Variants in ANO1 observed in about 807,000 individuals in gnomAD.
ANO1 encodes anoctamin-1.
Under a neutral mutation model 124.0 loss-of-function variants are expected in ANO1, and 59 were observed. That is an observed-to-expected ratio of 0.48 (90% CI 0.39 to 0.59). The LOEUF (loss-of-function observed/expected upper bound fraction) is 0.59, where lower values mean the gene tolerates loss of function less well. Among genes scored for constraint, ANO1 ranks in the 20% least tolerant of loss-of-function variants. ANO1 has a pLI of 0.00. For synonymous variants in ANO1, 529 were observed against 532.0 expected, an observed-to-expected ratio of 0.99 and a Z score of 0.08; for missense variants, 1,059 against 1,328.0, an observed-to-expected ratio of 0.80 and a Z score of 3.15.
At chr11:70,115,980 G>A (rs1457975030) in intron 7 of ANO1, among the ~76,000 whole-genome samples, 2 of 152,164 alleles carry the variant, frequency 1.3e-5, no homozygotes, top group Non-Finnish European at 1.5e-5. Flanking sequence ...TCTGTAGAAT[G>A]GGAGTTTTGG....
intron 1 of ANO1, among the ~76,000 whole-genome samples, chr11:70,023,561 G>C (rs1162595112): frequency 1.3e-5 from 2 of 152,202 alleles, no homozygotes; most frequent in African/African-American, 2.4e-5. Context: ...CCAGTACTGA[G>C]ATGGTCTAGT....
chr11:70,136,974 G>T (rs1169894990), intron 11 of ANO1, among the ~76,000 whole-genome samples: 1 of 147,064 alleles, frequency 6.8e-6, no homozygotes, highest in African/African-American at 2.4e-5. Context: ...TGAGCGCCCC[G>T]TGCTGGGAAG....
intron 1 of ANO1, among the ~76,000 whole-genome samples, chr11:70,025,785 G>A (rs1555003117): frequency 7.0e-6 from 1 of 142,022 alleles, no homozygotes. Context: ...GGTGCTGGTG[G>A]TAGTGGTGTT....
intron 16 of ANO1, among the ~76,000 whole-genome samples, chr11:70,160,810 C>T (rs1217442464): frequency 6.6e-6 from 1 of 152,218 alleles, no homozygotes; most frequent in Non-Finnish European, 1.5e-5. Flanking sequence ...GGGGATGGTG[C>T]CTGGGCTCCG....
At chr11:70,185,763 G>A in intron 25 of ANO1, 68 bp downstream of exon 25, 1 of 1,523,684 alleles carries the variant, frequency 6.6e-7, no homozygotes, top group South Asian at 1.1e-5. Flanking sequence ...TGTGCCTACA[G>A]TCTGGAAGTC....
At chr11:70,095,407 A>G (rs1437731076) in intron 2 of ANO1, among the ~76,000 whole-genome samples, 2 of 49,670 alleles carry the variant, frequency 4.0e-5, no homozygotes, top group South Asian at 1.6e-3. Flanking sequence ...AGAAAGAAAG[A>G]AAGAAAGAAA....
At chr11:70,104,230 G>T in intron 4 of ANO1, 80 bp downstream of exon 4, 1 of 1,438,438 alleles carries the variant, frequency 7.0e-7, no homozygotes, top group South Asian at 1.4e-5. Context: ...AATGCAGATT[G>T]ATTATCTGTC....
chr11:70,186,425 C>T (rs530389188), intron 25 of ANO1, among the ~76,000 whole-genome samples: 2 of 145,618 alleles, frequency 1.4e-5, no homozygotes, highest in Admixed American at 6.8e-5. Flanking sequence ...GGGACCCCAC[C>T]TCTGTCCCTC....
intron 1 of ANO1, among the ~76,000 whole-genome samples, chr11:70,040,453 G>T (rs1483059216): frequency 6.6e-6 from 1 of 152,158 alleles, no homozygotes; most frequent in Non-Finnish European, 1.5e-5. Context: ...TTGCAAAAAA[G>T]TTACAAAAGA....
intron 1 of ANO1, among the ~76,000 whole-genome samples, chr11:70,010,179 G>GTATGTGTGTATATA (rs1188271051): frequency 1.8e-4 from 15 of 83,814 alleles, no homozygotes; most frequent in African/African-American, 7.0e-4. Context: ...GTGTGTGTGT[G>GTATGTGTGTATATA]TATATATATA....
chr11:70,085,951 A>T (rs901910386), intron 1 of ANO1, among the ~76,000 whole-genome samples: 5 of 152,222 alleles, frequency 3.3e-5, no homozygotes, highest in Non-Finnish European at 5.9e-5. Context: ...GCTCCAGGCG[A>T]CCACGTGGGG....
At chr11:70,088,493 G>A (rs1467671385) in intron 2 of ANO1, among the ~76,000 whole-genome samples, 4 of 136,256 alleles carry the variant, frequency 2.9e-5, no homozygotes, top group Non-Finnish European at 4.6e-5. Flanking sequence ...TGGCGACAGA[G>A]TGAGACTCTG....
intron 1 of ANO1, among the ~76,000 whole-genome samples, chr11:70,008,342 C>T (rs1341630151): frequency 6.6e-6 from 1 of 152,090 alleles, no homozygotes; most frequent in Non-Finnish European, 1.5e-5. Context: ...AAGTTTCTGC[C>T]CTGTGTTTTC....
In ANO1 at chr11:70,105,637, G is replaced by A. The variant is rs151202138; in HGVS notation, c.693-97G>A. 5.9e-4 allele frequency: 684 copies of A among 1,153,098 alleles called. 6 individuals carry two copies. The East Asian group carries it at 0.014, about 24-fold the overall frequency. The allele number at this position is 1,153,098 out of a possible 1,614,324, so 71.4% of individuals were successfully genotyped here. On this transcript the variant is annotated intron_variant, in intron 4 of 25. Coordinates refer to ENST00000355303, the MANE Select transcript of ANO1 (RefSeq NM_018043.7). ...AGAGTTCTGTCCATTTCACGGTCAC[G>A]GCTAATGGGGACAGTGTGGTTTCCC...
the ANO1 span, among the ~76,000 whole-genome samples, chr11:69,974,647 G>A: frequency 1.3e-5 from 2 of 152,176 alleles, no homozygotes; most frequent in African/African-American, 2.4e-5. Flanking sequence ...CCTGCTCAGT[G>A]TACCTCCCCA....
At chr11:70,099,067 G>A (rs532832781) in intron 2 of ANO1, among the ~76,000 whole-genome samples, 5 of 152,264 alleles carry the variant, frequency 3.3e-5, no homozygotes, top group Admixed American at 3.3e-4. Flanking sequence ...AGAGCCCCAT[G>A]GTCTGGCCAG....
intron 1 of ANO1, among the ~76,000 whole-genome samples, chr11:69,996,669 A>T (rs982018788): frequency 4.3e-4 from 65 of 152,186 alleles, no homozygotes; most frequent in Non-Finnish European, 2.6e-4. Flanking sequence ...GATATTCCTC[A>T]GGTCACACAG....
intron 1 of ANO1, chr11:70,015,246 A>G (rs1856683567): frequency 6.6e-6 from 1 of 152,164 alleles, no homozygotes; most frequent in South Asian, 2.1e-4. Context: ...AAGGCAGGTT[A>G]AATACCAGAG....
chr11:70,014,141 C>T (rs565516418), intron 1 of ANO1, among the ~76,000 whole-genome samples: 2 of 151,810 alleles, frequency 1.3e-5, no homozygotes, highest in East Asian at 1.9e-4. Context: ...AGTTCCATTG[C>T]GGGTGAGAGT....
Sources: gnomAD v4.1 joint callset for allele counts (sites outside exome capture counted in the v4.1 genomes callset) on GRCh38, gnomAD v4.1.1 for gene constraint, MANE v1.5 for transcripts, NCBI Gene and HGNC (gene_info 2026-07-23, HGNC 2026-07-21) for gene names.